DMD: variants seen among roughly 807,000 people sequenced by gnomAD.
DMD encodes mutant dystrophin.
In DMD, 63 loss-of-function variants were observed where a neutral mutation model predicts 330.1. That is an observed-to-expected ratio of 0.19 (90% confidence interval 0.16 to 0.24). The LOEUF (loss-of-function observed/expected upper bound fraction) is 0.24, where lower values mean the gene tolerates loss of function less well. DMD is among the 10% of genes least tolerant of loss of function. The probability of loss-of-function intolerance (pLI) is 1.00; values close to 1 mark genes in which losing one functional copy is unlikely to be tolerated. For missense variants in DMD, 3,344 were observed against 2,684.1 expected (o/e 1.25, Z -5.43); for synonymous variants, 1,223 against 959.8 (o/e 1.27, Z -5.07).
At chrX:31,200,205 C>T (rs984662541) in intron 67 of DMD, among the ~76,000 whole-genome samples, 1 of 111,473 alleles carries the variant, frequency 9.0e-6, no homozygotes, top group Non-Finnish European at 1.9e-5. Flanking sequence ...TCCTCTTCCC[C>T]CTCAAGGGTC....
intron 44 of DMD, among the ~76,000 whole-genome samples, chrX:31,999,007 A>G (rs918885381): frequency 9.0e-6 from 1 of 111,407 alleles, no homozygotes; most frequent in Admixed American, 9.5e-5. Context: ...GGGAATAACT[A>G]GCGGATACTT....
chrX:33,106,121 C>A (rs191785230), intron 1 of DMD, among the ~76,000 whole-genome samples: 2 of 109,437 alleles, frequency 1.8e-5, no homozygotes, highest in Non-Finnish European at 3.8e-5. Flanking sequence ...AATGAAATAA[C>A]GTCTTCTGCA....
At chrX:33,100,344 T>A (rs1341475349) in intron 1 of DMD, among the ~76,000 whole-genome samples, 1 of 112,292 alleles carries the variant, frequency 8.9e-6, no homozygotes, top group East Asian at 2.8e-4. Flanking sequence ...TCCCTCTGTT[T>A]TAAAATTATA....
chrX:31,444,663 G>A (rs1185094423), intron 59 of DMD, 36 bp from the exon 60 acceptor site: 1 of 1,201,500 alleles, frequency 8.3e-7, no homozygotes, highest in South Asian at 1.8e-5. Context: ...TGGAAGATGA[G>A]AATATTTAAA....
intron 1 of DMD, among the ~76,000 whole-genome samples, chrX:33,022,238 C>T (rs1422065641): frequency 9.0e-6 from 1 of 111,104 alleles, no homozygotes; most frequent in Non-Finnish European, 1.9e-5. Context: ...AATATGAGGT[C>T]TTTTGAAGTG....
Position 32,346,093 on chromosome X carries a change from A to G in DMD, c.5449-13T>C, listed in dbSNP as rs758383323. On this transcript the variant is annotated splice_polypyrimidine_tract_variant and intron_variant, in intron 38 of 78. Coordinates refer to ENST00000357033, the MANE Select transcript of DMD (RefSeq NM_004006.3). ...CATTGTCTTCATTCTGATCAAAAACAACAAGTACAGTCTTCATTTTGGTTT... is the reference window on the plus strand; with the variant it reads ...CATTGTCTTCATTCTGATCAAAAACGACAAGTACAGTCTTCATTTTGGTTT... 4.6e-5 allele frequency: 56 copies of G among 1,208,745 alleles called. No individual in the cohort carries two copies. The highest frequency in any genetic ancestry group is 6.3e-5 in the Non-Finnish European group (56 of 893,474).
At position 32,721,225 on chromosome X, in the gene DMD, G is replaced by C. The variant is rs1181327475; in HGVS notation, c.650-21932C>G. Among the ~76,000 whole-genome samples the C allele has an allele frequency of 2.7e-5, 3 of 110,842 alleles. No homozygotes were observed. The East Asian group carries it at 8.5e-4, about 31-fold the overall frequency. The stretch of plus-strand genomic sequence containing the variant: ...ATTTTCTGTGGGTCTATACCCAGGA[G>C]TGGGATTGTTGGGTCATATGGTAGT... On this transcript the variant is annotated intron_variant, in intron 7 of 78. Coordinates refer to ENST00000357033, the MANE Select transcript of DMD (RefSeq NM_004006.3).
chrX:32,252,733 AAT>A (rs1363154489), intron 43 of DMD, among the ~76,000 whole-genome samples: 8,588 of 35,073 alleles, frequency 0.24, 1,089 homozygotes, highest in East Asian at 0.54. Flanking sequence ...TAAATATATA[AAT>A]ATATATATAA....
At chrX:32,843,005 G>A (rs1315623591) in intron 4 of DMD, among the ~76,000 whole-genome samples, 1 of 110,642 alleles carries the variant, frequency 9.0e-6, no homozygotes, top group Non-Finnish European at 1.9e-5. Context: ...ACGGGGTTTC[G>A]CCATGGTGGC....
intron 41 of DMD, among the ~76,000 whole-genome samples, chrX:32,331,146 G>A (rs190044631): frequency 9.0e-6 from 1 of 111,626 alleles, no homozygotes; most frequent in Non-Finnish European, 1.9e-5. Context: ...TCATAATGCG[G>A]AATGACTGTA....
chrX:32,371,126 G>A (rs765931522), intron 34 of DMD, among the ~76,000 whole-genome samples: 6 of 111,469 alleles, frequency 5.4e-5, no homozygotes, highest in Non-Finnish European at 9.5e-5. Context: ...TTTTTATTGA[G>A]TGATAGTCAT....
At position 32,306,479 on chromosome X, in the gene DMD, C is replaced by T. The variant is rs138312668; in HGVS notation, c.6117+3603G>A. On this transcript the variant is annotated intron_variant, in intron 42 of 78. Transcript: ENST00000357033. The stretch of plus-strand genomic sequence containing the variant: ...CATTAGGACCACCATGTCTCCTACC[C>T]GTGAGCTTTCTTCATATGGCCACGT... 4.3e-4 allele frequency among the ~76,000 whole-genome samples: 48 copies of T among 110,863 alleles called. No homozygotes were observed. The East Asian group carries it at 6.3e-3, about 14-fold the overall frequency.
In DMD at chrX:32,573,584, G is replaced by T. The variant is rs1229933072; in HGVS notation, c.1758C>A (p.His586Gln). 2 of 1,210,334 alleles carry T rather than the reference G, an allele frequency of 1.7e-6. No individual in the cohort carries two copies. Among genetic ancestry groups the T allele is most frequent in the African/African-American group, 3.5e-5 (2 of 57,310 alleles). ...SEKEDAVNKI[H>Q]TTGFKDQNEM... ...CATTTTGATCTTTAAAGCCAGTTGT[G>T]TGAATCTTGTTCACTGCATCTTCTT... The change falls in exon 15 of 79, where the codon CAC (histidine) becomes CAA (glutamine). Residue 586 changes from histidine to glutamine, a missense_variant. His to Gln is a conservative substitution (Grantham distance 24). Coordinates refer to ENST00000357033, the MANE Select transcript of DMD (RefSeq NM_004006.3).
chrX:31,965,411 A>G (rs1213495887), intron 45 of DMD, among the ~76,000 whole-genome samples: 1 of 111,800 alleles, frequency 8.9e-6, no homozygotes, highest in East Asian at 2.8e-4. Flanking sequence ...TGAAGTAGTG[A>G]TAAGCATAAA....
At chrX:32,431,307 G>C (rs1486689934) in intron 29 of DMD, among the ~76,000 whole-genome samples, 2 of 111,278 alleles carry the variant, frequency 1.8e-5, no homozygotes, top group Middle Eastern at 4.7e-3. Context: ...GATTTACATA[G>C]CCCTGATGAT....
rs201957958 is a variant in DMD at position 33,149,111 on chromosome X, C to CTAT, written c.31+62168_31+62170dup. ...ATTTCATTTATCATGCACTTTATTTCTATTATTATTATTACATTGTATTAT... is the reference window on the plus strand; with the variant it reads ...ATTTCATTTATCATGCACTTTATTTCTATTATTATTATTATTACATTGTATTAT... On this transcript the variant is annotated intron_variant, in intron 1 of 78. Transcript: ENST00000357033. 1.6e-3 allele frequency among the ~76,000 whole-genome samples: 177 copies of CTAT among 110,344 alleles called. 1 individual carries two copies. Among genetic ancestry groups the CTAT allele is most frequent in the African/African-American group, 5.6e-3 (169 of 30,393 alleles).
chrX:32,844,878 G>C lies in DMD; in HGVS notation c.187-18C>G, dbSNP rs777171178. ...TCTTTTGGCTGAGAACAAAACAAAA[G>C]AGTGTTCACTGACCAGCAGAGAGAC... On this transcript the variant is annotated intron_variant, in intron 3 of 78. Transcript: ENST00000357033. 5.2e-6 allele frequency: 6 copies of C among 1,164,782 alleles called. No individual in the cohort carries two copies. In the Middle Eastern group the frequency reaches 9.4e-4, roughly 183 times the overall value.
chrX:32,358,167 C>A (rs183447504), intron 37 of DMD, among the ~76,000 whole-genome samples: 9 of 111,190 alleles, frequency 8.1e-5, no homozygotes, highest in African/African-American at 2.3e-4. Context: ...TTTAGATATA[C>A]CTCAACTAGC....
chrX:33,323,691 T>A (rs1475707998), intron 1 of DMD, among the ~76,000 whole-genome samples: 2 of 111,566 alleles, frequency 1.8e-5, no homozygotes. Flanking sequence ...ATATTTTCTA[T>A]CCTTCCCACT....
Sources: allele counts gnomAD v4.1 joint callset (sites outside exome capture counted in the v4.1 genomes callset), GRCh38; gene constraint gnomAD v4.1.1; transcripts MANE v1.5; gene names NCBI Gene and HGNC (gene_info 2026-07-23, HGNC 2026-07-21).